TNS3: variants seen among roughly 807,000 people sequenced by gnomAD.
The protein encoded by TNS3 is tensin-3.
TNS3 carries 45 observed loss-of-function variants against 140.9 expected under a neutral mutation model. The observed-to-expected ratio is 0.32, with a 90% CI of 0.25 to 0.41. The LOEUF (loss-of-function observed/expected upper bound fraction) is 0.41, where lower values mean the gene tolerates loss of function less well. Among genes scored for constraint, TNS3 ranks in the 10% least tolerant of loss-of-function variants. The pLI is 1.00. For missense variants in TNS3, 1,716 were observed against 1,906.7 expected (o/e 0.90, Z 1.86); for synonymous variants, 815 against 788.4 (o/e 1.03, Z -0.56).
At chr7:47,302,075 T>G in intron 23 of TNS3, 111 bp downstream of exon 23, 1 of 839,544 alleles carries the variant, frequency 1.2e-6, no homozygotes, top group Non-Finnish European at 2.0e-6. Flanking sequence ...ACTCAATCCA[T>G]ATGAAGGCCA....
At chr7:47,508,625 C>T (rs1798501245) in intron 2 of TNS3, among the ~76,000 whole-genome samples, 1 of 152,248 alleles carries the variant, frequency 6.6e-6, no homozygotes, top group Non-Finnish European at 1.5e-5. Flanking sequence ...GGTTAGCCTT[C>T]CAGATGGCCT....
At chr7:47,492,590 G>A (rs896050300) in intron 3 of TNS3, among the ~76,000 whole-genome samples, 2 of 152,322 alleles carry the variant, frequency 1.3e-5, no homozygotes, top group Middle Eastern at 3.4e-3. Flanking sequence ...CCTTCTTCAG[G>A]AGACACACAA....
intron 3 of TNS3, among the ~76,000 whole-genome samples, chr7:47,501,488 G>T (rs1480485914): frequency 6.6e-6 from 1 of 152,192 alleles, no homozygotes; most frequent in Non-Finnish European, 1.5e-5. Flanking sequence ...ACAGGCCCCT[G>T]CCCTGAGCAG....
intron 16 of TNS3, among the ~76,000 whole-genome samples, chr7:47,395,752 CTG>C (rs1792793806): frequency 6.6e-6 from 1 of 152,204 alleles, no homozygotes; most frequent in Non-Finnish European, 1.5e-5. Flanking sequence ...CAGATATCAT[CTG>C]TGTTTTAATG....
chr7:47,517,470 A>G (rs902623511), intron 2 of TNS3, among the ~76,000 whole-genome samples: 3 of 152,260 alleles, frequency 2.0e-5, no homozygotes, highest in Non-Finnish European at 2.9e-5. Flanking sequence ...ACCACCTCCA[A>G]CAAACCAGAT....
At chr7:47,576,549 C>A (rs1800680110) in intron 1 of TNS3, among the ~76,000 whole-genome samples, 1 of 152,192 alleles carries the variant, frequency 6.6e-6, no homozygotes, top group Admixed American at 6.5e-5. Context: ...CCCAGGGACA[C>A]CTCTAAGAAA....
intron 2 of TNS3, among the ~76,000 whole-genome samples, chr7:47,527,833 G>A (rs1799253956): frequency 6.6e-6 from 1 of 152,048 alleles, no homozygotes; most frequent in Admixed American, 6.5e-5. Flanking sequence ...GCTTGGGCCA[G>A]GAGGTCAAGG....
At position 47,411,792 on chromosome 7, in the gene TNS3, G is replaced by C; in HGVS notation, c.658C>G (p.Pro220Ala). The change falls in exon 13 of 31, where the codon CCA becomes GCA. Residue 220 changes from proline (P) to alanine (A), a missense_variant. By Grantham distance (27) the Pro-to-Ala change is conservative. This residue lies in a region of TNS3 where 337 missense variants were observed against 428.9 expected (regional missense o/e 0.79). Coordinates refer to ENST00000311160, the MANE Select transcript of TNS3 (RefSeq NM_022748.12). ...ATGCAGATCCTGCTGGGGTTTTCTG[G>C]GCCAACGTTGCTTTGGGATGAAGAA... ...VYTSGIYNVGPENPSRICIVI... is the reference protein window; with the variant it reads ...VYTSGIYNVGAENPSRICIVI... 1 of 1,613,404 alleles carries C rather than the reference G, an allele frequency of 6.2e-7. No individual in the cohort carries two copies. Among genetic ancestry groups the C allele is most frequent in the South Asian group, 1.1e-5 (1 of 90,812 alleles).
chr7:47,520,875 G>A (rs1481403350), intron 2 of TNS3, among the ~76,000 whole-genome samples: 2 of 152,290 alleles, frequency 1.3e-5, no homozygotes, highest in East Asian at 3.9e-4. Flanking sequence ...CCTCAGGGTT[G>A]GGGGACTCAC....
chr7:47,393,584 C>T (rs993300902), intron 16 of TNS3, among the ~76,000 whole-genome samples: 3 of 152,146 alleles, frequency 2.0e-5, no homozygotes, highest in Admixed American at 6.5e-5. Context: ...CCTGGGGGTG[C>T]TCATGGGCTT....
intron 20 of TNS3, among the ~76,000 whole-genome samples, chr7:47,316,081 CCTAA>C (rs367602314): frequency 4.6e-4 from 65 of 141,296 alleles, no homozygotes; most frequent in African/African-American, 8.0e-4. Context: ...AGACTATCCA[CCTAA>C]CTAACTATTT....
chr7:47,502,548 G>A (rs981476654), intron 3 of TNS3, among the ~76,000 whole-genome samples: 6 of 152,238 alleles, frequency 3.9e-5, no homozygotes, highest in Non-Finnish European at 7.3e-5. Flanking sequence ...TCCCTGATGG[G>A]AGAGCCCAGC....
At chr7:47,557,625 A>G (rs1448122346) in intron 1 of TNS3, among the ~76,000 whole-genome samples, 1 of 152,126 alleles carries the variant, frequency 6.6e-6, no homozygotes, top group Non-Finnish European at 1.5e-5. Context: ...ACTCTCTGGG[A>G]TTTTTCATCC....
chr7:47,536,954 C>G (rs1320698708), intron 1 of TNS3, among the ~76,000 whole-genome samples: 1 of 152,126 alleles, frequency 6.6e-6, no homozygotes, highest in Non-Finnish European at 1.5e-5. Flanking sequence ...CCCGGCGCAG[C>G]CCACGTGCGT....
intron 1 of TNS3, among the ~76,000 whole-genome samples, chr7:47,555,306 CAGG>C (rs1316754155): frequency 1.3e-4 from 19 of 150,868 alleles, no homozygotes; most frequent in Non-Finnish European, 1.5e-4. Flanking sequence ...GAGGCTGAGG[CAGG>C]AGAATCGCTT....
intron 2 of TNS3, among the ~76,000 whole-genome samples, chr7:47,524,664 C>T (rs111975342): frequency 0.077 from 11,293 of 146,224 alleles, 641 homozygotes; most frequent in African/African-American, 0.15. Context: ...TAGCCGGGCG[C>T]GGTGGCGGGC....
At chr7:47,350,347 G>C (rs1012598729) in intron 17 of TNS3, among the ~76,000 whole-genome samples, 1 of 152,196 alleles carries the variant, frequency 6.6e-6, no homozygotes, top group Non-Finnish European at 1.5e-5. Flanking sequence ...TTTAACAATG[G>C]TTTATTCTTC....
chr7:47,292,102 G>A (rs1246853222), intron 26 of TNS3, 70 bp from the exon 27 acceptor site: 6 of 1,489,728 alleles, frequency 4.0e-6, no homozygotes, highest in Admixed American at 1.7e-5. Flanking sequence ...GACAAAGTTA[G>A]ACAATTTGAT....
chr7:47,294,309 C>T (rs1300057938), intron 24 of TNS3, among the ~76,000 whole-genome samples: 2 of 152,196 alleles, frequency 1.3e-5, no homozygotes, highest in African/African-American at 2.4e-5. Context: ...ATCTTTAAAA[C>T]CTTCCAGAAA....
Sources: allele counts gnomAD v4.1 joint callset (sites outside exome capture counted in the v4.1 genomes callset), GRCh38; gene constraint gnomAD v4.1.1; regional missense constraint gnomAD v4.1.1; transcripts MANE v1.5; gene names NCBI Gene and HGNC (gene_info 2026-07-23, HGNC 2026-07-21).